The following FHL2 variants were observed in gnomAD, a reference collection of about 807,000 sequenced individuals.
FHL2 encodes four and a half LIM domains 2.
A neutral mutation model predicts 32.7 loss-of-function variants in FHL2; 20 were observed. That is an observed-to-expected ratio of 0.61 (90% CI 0.43 to 0.89). The LOEUF (loss-of-function observed/expected upper bound fraction) is 0.89. FHL2 is among the 40% of genes least tolerant of loss of function. The probability of loss-of-function intolerance (pLI) is 0.00; values close to 1 mark genes in which losing one functional copy is unlikely to be tolerated. For missense variants in FHL2, 311 were observed against 358.6 expected (o/e 0.87, Z 1.07); for synonymous variants, 123 against 128.1 (o/e 0.96, Z 0.27).
At chr2:105,364,408 A>G (rs1478629891) in intron 5 of FHL2, among the ~76,000 whole-genome samples, 1 of 152,200 alleles carries the variant, frequency 6.6e-6, no homozygotes, top group Non-Finnish European at 1.5e-5. Context: ...ACAAGAAGAG[A>G]TGGGCATCTT....
chr2:105,407,406 AAAAG>A (rs1242054287), intron 1 of FHL2, among the ~76,000 whole-genome samples: 12 of 151,786 alleles, frequency 7.9e-5, no homozygotes, highest in African/African-American at 2.9e-4. Flanking sequence ...AAAAAAAAAA[AAAAG>A]AAGAAGGAAA....
chr2:105,415,440 T>G (rs547302656), intron 1 of FHL2, among the ~76,000 whole-genome samples: 20 of 152,268 alleles, frequency 1.3e-4, no homozygotes, highest in Non-Finnish European at 2.1e-4. Context: ...TTCTGAATTT[T>G]GCACCGTGTG....
intron 1 of FHL2, among the ~76,000 whole-genome samples, chr2:105,426,089 C>G (rs1684258780): frequency 6.6e-6 from 1 of 151,830 alleles, no homozygotes; most frequent in Non-Finnish European, 1.5e-5. Context: ...TATTTGCTTC[C>G]TCTTCGGCAA....
chr2:105,398,856 C>A lies in FHL2; in HGVS notation c.-90G>T, dbSNP rs751277814. Reference sequence around the variant, plus strand: ...TCTCCTCTCACCAGTCTCCCCAACTCCGGCTCTGCTCCCCTCTCCTTGGGT... The same window carrying A: ...TCTCCTCTCACCAGTCTCCCCAACTACGGCTCTGCTCCCCTCTCCTTGGGT... On this transcript the variant is annotated 5_prime_UTR_variant, in exon 1 of 7. Transcript: ENST00000530340. 4.1e-6 allele frequency: 6 copies of A among 1,459,438 alleles called. No homozygotes were observed. Among genetic ancestry groups the A allele is most frequent in the Non-Finnish European group, 5.4e-6 (6 of 1,108,468 alleles). The allele number at this position is 1,459,438 out of a possible 1,614,324, so 90.4% of individuals were successfully genotyped here.
At position 105,361,342 on chromosome 2, in the gene FHL2, G is replaced by GC; in HGVS notation, c.780dup (p.Arg261AlafsTer30). 1 of 1,614,028 alleles carries GC rather than the reference G, an allele frequency of 6.2e-7. No individual in the cohort carries two copies. The highest frequency in any genetic ancestry group is 8.5e-7 in the Non-Finnish European group (1 of 1,179,894). ...TCGTCCCTCTCTGTGAGGAAGCCACGCCCCACCAGTGAGAGGGAGCACTTC... is the reference window on the plus strand; with the variant it reads ...TCGTCCCTCTCTGTGAGGAAGCCACGCCCCCACCAGTGAGAGGGAGCACTTC... On this transcript the variant is annotated frameshift_variant, in exon 7 of 7. Coordinates refer to ENST00000530340, the MANE Select transcript of FHL2 (RefSeq NM_001318895.3). LOFTEE classifies it high-confidence loss of function.
intron 1 of FHL2, among the ~76,000 whole-genome samples, chr2:105,424,508 C>T (rs2104673126): frequency 6.6e-6 from 1 of 152,270 alleles, no homozygotes; most frequent in Admixed American, 6.5e-5. Flanking sequence ...ACCATTTCAC[C>T]CAGCAATCCC....
intron 5 of FHL2, among the ~76,000 whole-genome samples, chr2:105,365,312 A>G (rs1207511736): frequency 1.4e-5 from 2 of 147,370 alleles, no homozygotes; most frequent in Non-Finnish European, 3.0e-5. Flanking sequence ...CTTGTCCAGC[A>G]TCAGATCCCC....
chr2:105,427,425 A>G (rs955876230), intron 1 of FHL2, among the ~76,000 whole-genome samples: 9 of 152,216 alleles, frequency 5.9e-5, no homozygotes, highest in African/African-American at 2.2e-4. Flanking sequence ...TGTTTCAGTG[A>G]AGTCTGGACA....
chr2:105,383,083 G>T (rs1366317329), intron 3 of FHL2, among the ~76,000 whole-genome samples: 1 of 152,052 alleles, frequency 6.6e-6, no homozygotes, highest in Non-Finnish European at 1.5e-5. Flanking sequence ...ACGGGGTTTC[G>T]CCATGTTGGC....
chr2:105,409,382 C>T (rs1683729264), intron 1 of FHL2, among the ~76,000 whole-genome samples: 2 of 152,184 alleles, frequency 1.3e-5, no homozygotes, highest in South Asian at 4.1e-4. Context: ...AGAAGTCTCC[C>T]ATGATGCTCA....
At chr2:105,386,924 C>G (rs999506816) in intron 2 of FHL2, among the ~76,000 whole-genome samples, 4 of 151,868 alleles carry the variant, frequency 2.6e-5, no homozygotes, top group Non-Finnish European at 4.4e-5. Context: ...GCCACCACAC[C>G]CAGCTAACTT....
chr2:105,373,716 G>C lies in FHL2; in HGVS notation c.174C>G (p.Asp58Glu). ...GGAAACAGGCTTCATGCCAGTGCCG[G>C]TCCTTGTAAGACAAGTCCTGTGGGG... ...GCDCKDLSYK[D>E]RHWHEACFHC... The change falls in exon 4 of 7, where the codon GAC (aspartate) becomes GAG (glutamate). Residue 58 changes from aspartate to glutamate, a missense_variant. Physicochemically the swap from Asp to Glu is conservative, Grantham distance 45. Coordinates refer to ENST00000530340, the MANE Select transcript of FHL2 (RefSeq NM_001318895.3). 1.9e-6 allele frequency: 3 copies of C among 1,614,024 alleles called. No homozygotes were observed. Among genetic ancestry groups the C allele is most frequent in the Non-Finnish European group, 2.5e-6 (3 of 1,180,026 alleles).
intron 2 of FHL2, among the ~76,000 whole-genome samples, chr2:105,388,833 CAA>C (rs70953506): frequency 2.1e-5 from 3 of 145,614 alleles, no homozygotes; most frequent in African/African-American, 7.5e-5. Context: ...GACTCCGTCT[CAA>C]AAAAAAAAAA....
chr2:105,431,903 A>G (rs1684445785), intron 1 of FHL2, among the ~76,000 whole-genome samples: 1 of 152,232 alleles, frequency 6.6e-6, no homozygotes, highest in Non-Finnish European at 1.5e-5. Flanking sequence ...GCAGCAGGCC[A>G]GGATCCTGCC....
intron 1 of FHL2, among the ~76,000 whole-genome samples, chr2:105,427,352 A>G (rs1242264661): frequency 6.6e-6 from 1 of 152,152 alleles, no homozygotes; most frequent in Non-Finnish European, 1.5e-5. Context: ...ATCTCAATCC[A>G]CTGAACTGAT....
Position 105,407,535 on chromosome 2 carries a change from C to T in FHL2, c.-24-20995G>A, listed in dbSNP as rs572804337. ...GCAGTCGAGTTATCTGGGCTTTGCA[C>T]CGAGATCCAGTTGGCAAATAACTTG... On this transcript the variant is annotated intron_variant, in intron 1 of 5. Coordinates refer to the FHL2 transcript ENST00000393352. 1.3e-3 allele frequency among the ~76,000 whole-genome samples: 194 copies of T among 152,184 alleles called. 1 individual carries two copies. The highest frequency in any genetic ancestry group is 4.5e-3 in the African/African-American group (188 of 41,502).
intron 3 of FHL2, chr2:105,376,361 T>A (rs1681473416): frequency 6.6e-6 from 1 of 152,200 alleles, no homozygotes; most frequent in Admixed American, 6.5e-5. Flanking sequence ...TGTGTTCATT[T>A]AAAAAAATCC....
chr2:105,414,266 C>T (rs1160885959), intron 1 of FHL2, among the ~76,000 whole-genome samples: 2 of 152,196 alleles, frequency 1.3e-5, no homozygotes, highest in Non-Finnish European at 2.9e-5. Context: ...CATCCGGACA[C>T]CCATCTGAAC....
At chr2:105,377,774 T>A (rs1372780266) in intron 3 of FHL2, 8 of 276,184 alleles carry the variant, frequency 2.9e-5, no homozygotes, top group Non-Finnish European at 7.2e-6. Context: ...ATGTTTTCCA[T>A]GACCCAAGAG....
Sources: gnomAD v4.1 joint callset for allele counts (sites outside exome capture counted in the v4.1 genomes callset) on GRCh38, gnomAD v4.1.1 for gene constraint, MANE v1.5 for transcripts, NCBI Gene and HGNC (gene_info 2026-07-23, HGNC 2026-07-21) for gene names.